Variants in TEX9 observed in about 807,000 individuals in gnomAD.
The protein encoded by TEX9 is testis-expressed protein 9.
TEX9 carries 74 observed loss-of-function variants against 59.6 expected under a neutral mutation model. That is an observed-to-expected ratio of 1.24 (90% CI 1.03 to 1.51). TEX9 has a LOEUF of 1.51. TEX9 is among the 40% of genes most tolerant of loss of function. The probability of loss-of-function intolerance (pLI) is 0.00; values close to 1 mark genes in which losing one functional copy is unlikely to be tolerated. For missense variants in TEX9, 522 were observed against 447.8 expected (o/e 1.17, Z -1.49); for synonymous variants, 186 against 152.2 (o/e 1.22, Z -1.64).
chr15:56,375,067 C>T (rs897208259), intron 3 of TEX9, among the ~76,000 whole-genome samples: 1 of 152,090 alleles, frequency 6.6e-6, no homozygotes, highest in Non-Finnish European at 1.5e-5. Context: ...ATTTCTAGTT[C>T]TAGATCCCTG....
chr15:56,457,256 C>G, the TEX9 span, among the ~76,000 whole-genome samples: 2 of 152,034 alleles, frequency 1.3e-5, no homozygotes, highest in Non-Finnish European at 2.9e-5. Flanking sequence ...CTTTTTTTCT[C>G]TTTTATATTT....
At chr15:56,383,971 G>A (rs149653752) in exon 4 of TEX9, 6 of 1,611,436 alleles carry the variant, frequency 3.7e-6, no homozygotes, top group Non-Finnish European at 5.1e-6. Flanking sequence ...CAAGAAGTAC[G>A]ATCTAGGCCT....
At chr15:56,457,148 C>T in the TEX9 span, among the ~76,000 whole-genome samples, 2 of 152,082 alleles carry the variant, frequency 1.3e-5, no homozygotes, top group Non-Finnish European at 2.9e-5. Flanking sequence ...CATTTTTCCC[C>T]CAAGCCACTG....
At chr15:56,361,646 G>A (rs1322816749), upstream of TEX9, among the ~76,000 whole-genome samples, 1 of 152,102 alleles carries the variant, frequency 6.6e-6, no homozygotes, top group Non-Finnish European at 1.5e-5. Context: ...CCCAGTACCT[G>A]TGAATATGGT....
chr15:56,270,666 A>G (rs1451519579), intron 1 of TEX9, among the ~76,000 whole-genome samples: 2 of 152,088 alleles, frequency 1.3e-5, no homozygotes, highest in Non-Finnish European at 1.5e-5. Context: ...TGTGAATTTG[A>G]TCCTGTTATT....
At chr15:56,449,459 T>G (rs1396910473), downstream of TEX9, among the ~76,000 whole-genome samples, 2 of 152,214 alleles carry the variant, frequency 1.3e-5, no homozygotes, top group African/African-American at 4.8e-5. Context: ...TTAAATTTGG[T>G]CAGGATGATT....
chr15:56,420,099 C>G (rs1185022177), intron 10 of TEX9, among the ~76,000 whole-genome samples: 1 of 151,730 alleles, frequency 6.6e-6, no homozygotes, highest in Non-Finnish European at 1.5e-5. Flanking sequence ...AATATTCCTC[C>G]TACATTCCTG....
intron 12 of TEX9, among the ~76,000 whole-genome samples, chr15:56,442,448 T>C (rs1260647296): frequency 6.6e-6 from 1 of 152,214 alleles, no homozygotes; most frequent in African/African-American, 2.4e-5. Context: ...TGTGTATTTA[T>C]AGCAGCACTA....
chr15:56,293,271 C>T (rs886573725), intron 1 of TEX9, among the ~76,000 whole-genome samples: 3 of 151,964 alleles, frequency 2.0e-5, no homozygotes, highest in Admixed American at 1.3e-4. Flanking sequence ...CAAGAGTTTG[C>T]GGACACAGTA....
At chr15:56,286,405 C>T (rs1253638830) in intron 1 of TEX9, among the ~76,000 whole-genome samples, 1 of 152,164 alleles carries the variant, frequency 6.6e-6, no homozygotes, top group Admixed American at 6.6e-5. Context: ...GGCACTGACA[C>T]ATCATCTTGT....
chr15:56,446,844 T>TA (rs771107798), downstream of TEX9: 13 of 1,596,664 alleles, frequency 8.1e-6, no homozygotes, highest in African/African-American at 2.7e-5. Context: ...TGATTACCAT[T>TA]TGTTCATATT....
chr15:56,417,326 T>C (rs2049743584), intron 10 of TEX9, among the ~76,000 whole-genome samples: 1 of 151,932 alleles, frequency 6.6e-6, no homozygotes, highest in Non-Finnish European at 1.5e-5. Context: ...CTTTTTGATG[T>C]GGGCGTTTAG....
chr15:56,424,862 A>T (rs748992664), intron 10 of TEX9, among the ~76,000 whole-genome samples: 1 of 152,272 alleles, frequency 6.6e-6, no homozygotes, highest in Non-Finnish European at 1.5e-5. Context: ...ATATTTGCAT[A>T]TAGCTTTGAA....
intron 1 of TEX9, among the ~76,000 whole-genome samples, chr15:56,259,699 A>G (rs963932365): frequency 6.6e-6 from 1 of 151,936 alleles, no homozygotes; most frequent in Non-Finnish European, 1.5e-5. Context: ...ATTCTTCTTC[A>G]TTTCTTGGCT....
At position 56,343,598 on chromosome 15, in the gene TEX9, A is replaced by G. The variant is rs115591826; in HGVS notation, c.-106-29843A>G. ...TATTAACTAGAAGTATAGTAAGAGG[A>G]TATTATCAACAACTTCATACTAACA... On this transcript the variant is annotated intron_variant, in intron 1 of 5. Transcript: ENST00000560827. Among the ~76,000 whole-genome samples the G allele has an allele frequency of 7.9e-3, 1,207 of 152,186 alleles. 11 individuals are homozygous for G. The highest frequency in any genetic ancestry group is 0.027 in the African/African-American group (1,130 of 41,542).
At chr15:56,270,206 A>G (rs1567068410) in intron 1 of TEX9, among the ~76,000 whole-genome samples, 1 of 151,872 alleles carries the variant, frequency 6.6e-6, no homozygotes, top group Non-Finnish European at 1.5e-5. Context: ...ATCCTTGTTA[A>G]CCTTCTGTCT....
chr15:56,289,156 A>G (rs1393066065), intron 1 of TEX9, among the ~76,000 whole-genome samples: 1 of 151,612 alleles, frequency 6.6e-6, no homozygotes, highest in Admixed American at 6.6e-5. Flanking sequence ...ATTTCTCTGT[A>G]TTTTCTCGAG....
chr15:56,363,268 C>CTTTTTTTTT (rs749991135), upstream of TEX9, among the ~76,000 whole-genome samples: 1 of 142,822 alleles, frequency 7.0e-6, no homozygotes, highest in African/African-American at 2.6e-5. Flanking sequence ...ATTGTCCATC[C>CTTTTTTTTT]TTTTTTTTTT....
intron 1 of TEX9, among the ~76,000 whole-genome samples, chr15:56,357,587 T>C (rs2046707942): frequency 6.6e-6 from 1 of 152,180 alleles, no homozygotes. Flanking sequence ...ATCTTTTCAG[T>C]CTAACTTCAG....
Sources: allele counts gnomAD v4.1 joint callset (sites outside exome capture counted in the v4.1 genomes callset), GRCh38; gene constraint gnomAD v4.1.1; transcripts MANE v1.5; gene names NCBI Gene and HGNC (gene_info 2026-07-23, HGNC 2026-07-21).